NKAIN2: variants seen among roughly 807,000 people sequenced by gnomAD.
NKAIN2 encodes the protein sodium/potassium transporting ATPase interacting 2, also known as sodium/potassium-transporting ATPase subunit beta-1-interacting protein 2.
In NKAIN2, 14 loss-of-function variants were observed where a neutral mutation model predicts 32.6. That is an observed-to-expected ratio of 0.43 (90% CI 0.28 to 0.67). The LOEUF (loss-of-function observed/expected upper bound fraction) is 0.67, where lower values mean the gene tolerates loss of function less well. NKAIN2 is among the 30% of genes least tolerant of loss of function. The probability of loss-of-function intolerance (pLI) is 0.17; values close to 1 mark genes in which losing one functional copy is unlikely to be tolerated. For synonymous variants in NKAIN2, 80 were observed against 87.2 expected, an observed-to-expected ratio of 0.92 and a Z score of 0.46; for missense variants, 198 against 258.3, an observed-to-expected ratio of 0.77 and a Z score of 1.60.
At chr6:123,814,679 C>A (rs1773618041) in intron 1 of NKAIN2, among the ~76,000 whole-genome samples, 2 of 152,116 alleles carry the variant, frequency 1.3e-5, no homozygotes, top group South Asian at 2.1e-4. Flanking sequence ...GAGAAATAAA[C>A]CCCAATGAAT....
At chr6:124,055,512 C>G (rs1413202652) in intron 1 of NKAIN2, among the ~76,000 whole-genome samples, 2 of 151,954 alleles carry the variant, frequency 1.3e-5, no homozygotes, top group South Asian at 2.1e-4. Flanking sequence ...CTCAGCAAGA[C>G]AGTTTACCTT....
chr6:124,415,443 C>T (rs1269982333), intron 3 of NKAIN2, among the ~76,000 whole-genome samples: 1 of 152,186 alleles, frequency 6.6e-6, no homozygotes, highest in African/African-American at 2.4e-5. Context: ...CCAAGCCATC[C>T]TGGCTATGCC....
At chr6:124,516,046 T>A (rs1778902005) in intron 3 of NKAIN2, among the ~76,000 whole-genome samples, 1 of 152,176 alleles carries the variant, frequency 6.6e-6, no homozygotes, top group Non-Finnish European at 1.5e-5. Context: ...ATTCCTACTA[T>A]CTTCCTCGCA....
In NKAIN2 at chr6:124,304,946, G is replaced by A. The variant is rs548794968; in HGVS notation, c.192+21804G>A. ...AAGTCTGTAATTGCCTTCAAACTAA[G>A]ATATAATGGATAACACAACTTACAT... On this transcript the variant is annotated intron_variant, in intron 2 of 6. Transcript: ENST00000368417. 1.2e-4 allele frequency among the ~76,000 whole-genome samples: 18 copies of A among 152,012 alleles called. No individual in the cohort carries two copies. The South Asian group carries it at 3.3e-3, about 28-fold the overall frequency.
At chr6:123,924,195 C>G (rs991795) in intron 1 of NKAIN2, among the ~76,000 whole-genome samples, 40,385 of 152,120 alleles carry the variant, frequency 0.27, 6,773 homozygotes, top group East Asian at 0.52. Context: ...GATATCACTT[C>G]TGAGGACAGT....
At chr6:124,733,533 G>A (rs1368466684) in intron 4 of NKAIN2, among the ~76,000 whole-genome samples, 6 of 151,870 alleles carry the variant, frequency 4.0e-5, no homozygotes, top group African/African-American at 1.2e-4. Context: ...ATTGTTCCAT[G>A]TTAGCAATGT....
chr6:124,719,570 GTTTC>G (rs1377056320), intron 4 of NKAIN2, among the ~76,000 whole-genome samples: 8 of 152,080 alleles, frequency 5.3e-5, no homozygotes, highest in Non-Finnish European at 1.2e-4. Flanking sequence ...AAAGGAAGGA[GTTTC>G]TTTTTCTTTT....
At chr6:124,673,553 T>G (rs753400278) in intron 4 of NKAIN2, among the ~76,000 whole-genome samples, 3 of 152,072 alleles carry the variant, frequency 2.0e-5, no homozygotes, top group Non-Finnish European at 2.9e-5. Context: ...TCTGTTTGGT[T>G]GTTGTTGTTG....
chr6:124,505,883 T>G (rs1382044466), intron 3 of NKAIN2, among the ~76,000 whole-genome samples: 1 of 152,016 alleles, frequency 6.6e-6, no homozygotes, highest in African/African-American at 2.4e-5. Flanking sequence ...CTATTAAGAT[T>G]GTTTCCCGGG....
chr6:124,139,231 G>T (rs1020685604), intron 1 of NKAIN2, among the ~76,000 whole-genome samples: 14 of 149,568 alleles, frequency 9.4e-5, no homozygotes, highest in African/African-American at 2.5e-5. Flanking sequence ...TGGGACTACA[G>T]GCGCCCGCCA....
Position 124,078,018 on chromosome 6 carries a change from A to G in NKAIN2, c.55-204987A>G, listed in dbSNP as rs1783778046. Among the ~76,000 whole-genome samples the G allele has an allele frequency of 2.0e-5, 3 of 152,308 alleles. No homozygotes were observed. In the East Asian group the frequency reaches 5.8e-4, roughly 29 times the overall value. On this transcript the variant is annotated intron_variant, in intron 1 of 6. Transcript: ENST00000368417. ...TCTTTTATTTTGCATTCTACTCCAC[A>G]TGACAATGAATTGTATTTTTGCCTC...
At chr6:123,995,305 C>T (rs1288079279) in intron 1 of NKAIN2, among the ~76,000 whole-genome samples, 3 of 152,076 alleles carry the variant, frequency 2.0e-5, no homozygotes, top group Non-Finnish European at 4.4e-5. Context: ...ATACCAAAAA[C>T]GAGAGAGAAT....
chr6:123,980,763 T>A (rs1216925961), intron 1 of NKAIN2, among the ~76,000 whole-genome samples: 1 of 152,208 alleles, frequency 6.6e-6, no homozygotes, highest in Non-Finnish European at 1.5e-5. Flanking sequence ...TTCTGTAAGA[T>A]TTCTGATCCC....
rs112608208 is a variant in NKAIN2, at chr6:123,996,939, A to G, written c.54+192685A>G. ...ATGGAAAAATAACATTTTAGTTGTGAATACTTTTTGATATCATCATTTGAA... is the reference window on the plus strand; with the variant it reads ...ATGGAAAAATAACATTTTAGTTGTGGATACTTTTTGATATCATCATTTGAA... On this transcript the variant is annotated intron_variant, in intron 1 of 6. Transcript: ENST00000368417. Among the ~76,000 whole-genome samples, 1,491 of 152,298 alleles carry G rather than the reference A, an allele frequency of 9.8e-3. 12 individuals carry two copies. Among genetic ancestry groups the G allele is most frequent in the Non-Finnish European group, 0.015 (1,038 of 68,020 alleles).
chr6:123,970,918 A>T (rs1778310376), intron 1 of NKAIN2, among the ~76,000 whole-genome samples: 1 of 152,312 alleles, frequency 6.6e-6, no homozygotes, highest in South Asian at 2.1e-4. Flanking sequence ...TTATTTTTTA[A>T]GAATATTAAC....
chr6:124,548,486 G>C (rs1479266195), intron 3 of NKAIN2, among the ~76,000 whole-genome samples: 1 of 152,132 alleles, frequency 6.6e-6, no homozygotes, highest in Admixed American at 6.5e-5. Context: ...CAGTGATATA[G>C]CCAGAAAACC....
chr6:124,022,919 T>G (rs1780935352), intron 1 of NKAIN2, among the ~76,000 whole-genome samples: 1 of 151,948 alleles, frequency 6.6e-6, no homozygotes, highest in Non-Finnish European at 1.5e-5. Flanking sequence ...ATTATTACAC[T>G]TGTTGCAGCT....
intron 1 of NKAIN2, among the ~76,000 whole-genome samples, chr6:124,151,105 A>G (rs193093012): frequency 1.4e-4 from 22 of 152,108 alleles, no homozygotes; most frequent in African/African-American, 5.1e-4. Flanking sequence ...TGGGATCTTC[A>G]TATCATTCCT....
intron 3 of NKAIN2, among the ~76,000 whole-genome samples, chr6:124,443,495 T>A (rs977137408): frequency 2.0e-5 from 3 of 152,108 alleles, no homozygotes; most frequent in Non-Finnish European, 2.9e-5. Context: ...ATGGTTGCAA[T>A]TAGAGATAAC....
Sources: allele counts gnomAD v4.1 joint callset (sites outside exome capture counted in the v4.1 genomes callset), GRCh38; gene constraint gnomAD v4.1.1; transcripts MANE v1.5; gene names NCBI Gene and HGNC (gene_info 2026-07-23, HGNC 2026-07-21).